The following ALPL variants were observed in gnomAD, a reference collection of about 807,000 sequenced individuals.
ALPL encodes alkaline phosphatase, tissue-nonspecific isozyme.
In ALPL, 42 loss-of-function variants were observed where a neutral mutation model predicts 51.3. The ratio of observed to expected loss-of-function variants is 0.82; its 90% CI spans 0.64 to 1.06. The LOEUF (loss-of-function observed/expected upper bound fraction) is 1.06, where lower values mean the gene tolerates loss of function less well. ALPL is among the 50% of genes least tolerant of loss of function. The probability of loss-of-function intolerance (pLI) is 0.00; values close to 1 mark genes in which losing one functional copy is unlikely to be tolerated. For missense variants in ALPL, 589 were observed against 709.4 expected, an observed-to-expected ratio of 0.83 and a Z score of 1.93; for synonymous variants, 279 against 296.4, an observed-to-expected ratio of 0.94 and a Z score of 0.60.
At chr1:21,572,392 C>T (rs1644661619) in intron 8 of ALPL, among the ~76,000 whole-genome samples, 1 of 152,122 alleles carries the variant, frequency 6.6e-6, no homozygotes, top group Non-Finnish European at 1.5e-5. Context: ...TGAGTGTCCT[C>T]ATTACATGGT....
intron 1 of ALPL, among the ~76,000 whole-genome samples, chr1:21,543,780 C>G (rs559727325): frequency 6.6e-6 from 1 of 152,292 alleles, no homozygotes; most frequent in Admixed American, 6.5e-5. Context: ...GCTGCGTGCT[C>G]TAGACCGGGG....
chr1:21,521,342 G>A (rs1292911277), intron 1 of ALPL, among the ~76,000 whole-genome samples: 4 of 152,112 alleles, frequency 2.6e-5, no homozygotes, highest in Non-Finnish European at 5.9e-5. Flanking sequence ...CTGACAGCAC[G>A]CCTGGCTAAT....
chr1:21,554,908 TC>T lies in ALPL; in HGVS notation c.61+767del, dbSNP rs1289859812. Among the ~76,000 whole-genome samples the T allele has an allele frequency of 1.5e-3, 140 of 93,996 alleles. 1 individual carries two copies. The highest frequency in any genetic ancestry group is 3.4e-3 in the Admixed American group (31 of 9,190). 61.7% of individuals were successfully genotyped at this position (93,996 alleles called of 152,430 possible). Reference sequence around the variant, plus strand: ...TTCTTTTTCTTTCTTTCTTTCTTTCTCTTTTCTTTCTTTCTTTCTTTCTTTT... The same window carrying T: ...TTCTTTTTCTTTCTTTCTTTCTTTCTTTTTCTTTCTTTCTTTCTTTCTTTT... On this transcript the variant is annotated intron_variant, in intron 2 of 11. Transcript: ENST00000374840.
intron 1 of ALPL, among the ~76,000 whole-genome samples, chr1:21,543,621 A>G (rs1644217861): frequency 6.6e-6 from 1 of 152,178 alleles, no homozygotes; most frequent in African/African-American, 2.4e-5. Flanking sequence ...CCATTGCCCC[A>G]GGAAGTTCCT....
At chr1:21,540,979 C>T (rs980948187) in intron 1 of ALPL, among the ~76,000 whole-genome samples, 1 of 152,216 alleles carries the variant, frequency 6.6e-6, no homozygotes, top group African/African-American at 2.4e-5. Context: ...GGACCTCTGC[C>T]GCTTAAGAAC....
intron 2 of ALPL, among the ~76,000 whole-genome samples, chr1:21,556,342 G>T (rs1644413577): frequency 6.6e-6 from 1 of 152,162 alleles, no homozygotes; most frequent in African/African-American, 2.4e-5. Flanking sequence ...AGCAGACCTG[G>T]TGTGGTGGCT....
intron 7 of ALPL, 149 bp from the exon 8 acceptor site, chr1:21,570,156 C>T: frequency 2.6e-6 from 2 of 764,458 alleles, no homozygotes; most frequent in South Asian, 2.9e-5. Context: ...TTCATCATTT[C>T]TTGAGGTCAG....
At chr1:21,565,424 C>T (rs1392576475) in intron 6 of ALPL, among the ~76,000 whole-genome samples, 1 of 152,182 alleles carries the variant, frequency 6.6e-6, no homozygotes, top group Non-Finnish European at 1.5e-5. Flanking sequence ...GCCACACTTG[C>T]TTGCTCCCAG....
intron 6 of ALPL, among the ~76,000 whole-genome samples, chr1:21,566,441 G>A (rs1245778039): frequency 6.6e-6 from 1 of 151,946 alleles, no homozygotes; most frequent in Non-Finnish European, 1.5e-5. Context: ...ACATCACCAC[G>A]CCCGGCTAAT....
intron 10 of ALPL, 100 bp from the exon 11 acceptor site, chr1:21,576,422 A>G: frequency 6.7e-7 from 1 of 1,499,304 alleles, no homozygotes; most frequent in South Asian, 1.3e-5. Context: ...TTCAAAGAAG[A>G]TCCCAGGGGT....
chr1:21,576,230 G>A (rs946303243), intron 10 of ALPL, among the ~76,000 whole-genome samples: 1 of 137,186 alleles, frequency 7.3e-6, no homozygotes, highest in Non-Finnish European at 1.6e-5. Flanking sequence ...ATGGATGGAT[G>A]GATGGATGGA....
chr1:21,526,144 C>T (rs1643938188), intron 1 of ALPL, among the ~76,000 whole-genome samples: 1 of 152,058 alleles, frequency 6.6e-6, no homozygotes, highest in South Asian at 2.1e-4. Flanking sequence ...CAGCAGATTT[C>T]ATTTATTTAT....
chr1:21,560,322 G>A (rs578031522), intron 2 of ALPL, among the ~76,000 whole-genome samples: 5 of 152,330 alleles, frequency 3.3e-5, no homozygotes, highest in East Asian at 1.9e-4. Flanking sequence ...GCTTTGGAGC[G>A]AAACCCAGCC....
At chr1:21,576,271 G>GTGGATGGATGGATGGATGGATGGATGA (rs1041977662) in intron 10 of ALPL, among the ~76,000 whole-genome samples, 2 of 21,958 alleles carry the variant, frequency 9.1e-5, no homozygotes, top group Non-Finnish European at 2.3e-4. Context: ...GGATGGATGG[G>GTGGATGGATGGATGGATGGATGGATGA]TGGATGGATG....
intron 6 of ALPL, among the ~76,000 whole-genome samples, chr1:21,567,839 G>A (rs1351962687): frequency 1.3e-5 from 2 of 152,200 alleles, no homozygotes; most frequent in African/African-American, 4.8e-5. Flanking sequence ...TGGGAGTTCT[G>A]TGGATTCCGG....
rs1161477825 is a variant in ALPL at position 21,576,047 on chromosome 1, G to A, written c.1189+123G>A. The A allele has an allele frequency of 8.2e-6, 10 of 1,219,960 alleles. 1 individual carries two copies. Among genetic ancestry groups the A allele is most frequent in the Non-Finnish European group, 1.2e-5 (10 of 832,972 alleles). The allele number at this position is 1,219,960 out of a possible 1,614,324, so 75.6% of individuals were successfully genotyped here. On this transcript the variant is annotated intron_variant, in intron 10 of 11. Transcript: ENST00000374840. ...TGGGGACTCAATGACAACTGGGTGG[G>A]GAGGAAGAGTTACTGGGGATGGGGA...
chr1:21,572,664 G>T (rs967920918), intron 8 of ALPL, among the ~76,000 whole-genome samples: 2 of 152,112 alleles, frequency 1.3e-5, no homozygotes, highest in Admixed American at 6.5e-5. Flanking sequence ...CTATTGTTCG[G>T]CTGTGTACCC....
chr1:21,577,335 C>T lies in ALPL; in HGVS notation c.1310-48C>T, dbSNP rs544808086. On this transcript the variant is annotated intron_variant, in intron 11 of 11. Coordinates refer to ENST00000374840, the MANE Select transcript of ALPL (RefSeq NM_000478.6). ...GGAGATGGAAAAGCTGCGTGCGCAGCGCCAGGCCCCTGGCAGGCTCTCAGC... is the reference window on the plus strand; with the variant it reads ...GGAGATGGAAAAGCTGCGTGCGCAGTGCCAGGCCCCTGGCAGGCTCTCAGC... 1.6e-5 allele frequency: 25 copies of T among 1,612,310 alleles called. No homozygotes were observed. The East Asian group carries it at 2.5e-4, about 16-fold the overall frequency.
At chr1:21,518,007 G>A (rs994136546) in intron 1 of ALPL, among the ~76,000 whole-genome samples, 5 of 151,982 alleles carry the variant, frequency 3.3e-5, no homozygotes, top group Admixed American at 2.6e-4. Flanking sequence ...GAAGGGATAG[G>A]CCCAGGTGGC....
Sources: allele counts gnomAD v4.1 joint callset (sites outside exome capture counted in the v4.1 genomes callset), GRCh38; gene constraint gnomAD v4.1.1; transcripts MANE v1.5; gene names NCBI Gene and HGNC (gene_info 2026-07-23, HGNC 2026-07-21).